The following NNT variants were observed in gnomAD, a reference collection of about 807,000 sequenced individuals.
NNT encodes the protein nicotinamide nucleotide transhydrogenase.
Under a neutral mutation model 104.8 loss-of-function variants are expected in NNT, and 50 were observed. That is an observed-to-expected ratio of 0.48 (90% CI 0.38 to 0.60). The LOEUF is 0.60. NNT is among the 20% of genes least tolerant of loss of function. The probability of loss-of-function intolerance (pLI) is 0.00; values close to 1 mark genes in which losing one functional copy is unlikely to be tolerated. For missense variants in NNT, 1,131 were observed against 1,330.7 expected, an observed-to-expected ratio of 0.85 and a Z score of 2.33; for synonymous variants, 461 against 490.4, an observed-to-expected ratio of 0.94 and a Z score of 0.79.
chr5:43,609,278 TGAA>T lies in NNT; in HGVS notation c.88_90del (p.Lys30del), dbSNP rs1322384994. 6.2e-7 allele frequency: 1 copy of T among 1,613,940 alleles called. No homozygotes were observed. The highest frequency in any genetic ancestry group is 8.5e-7 in the Non-Finnish European group (1 of 1,179,964). On this transcript the variant is annotated inframe_deletion, in exon 2 of 22. Transcript: ENST00000344920. ...TTGGGGTCCTGTAAGGGTCTACGTG[TGAA>T]GAAGGATTTTTTACGAACATTTTAT...
chr5:43,652,922 T>A (rs1012355218), intron 13 of NNT, 96 bp from the exon 14 acceptor site: 162 of 862,324 alleles, frequency 1.9e-4, no homozygotes, highest in Admixed American at 6.5e-4. Flanking sequence ...GTATTTAATA[T>A]GTTAATATTC....
rs1481320125 is a variant in NNT at position 43,700,225 on chromosome 5, C to T, written c.2983C>T (p.His995Tyr). The T allele has an allele frequency of 5.0e-6, 8 of 1,611,092 alleles. No homozygotes were observed. Among genetic ancestry groups the T allele is most frequent in the Non-Finnish European group, 6.8e-6 (8 of 1,178,046 alleles). The change falls in exon 20 of 22, where the codon CAT becomes TAT. Residue 995 changes from histidine to tyrosine, a missense_variant. Coordinates refer to ENST00000344920, the MANE Select transcript of NNT (RefSeq NM_182977.3). Reference protein sequence around the residue: ...DIVLEMDEINHDFPDTDLVLV... With the variant: ...DIVLEMDEINYDFPDTDLVLV... ...TGTGTTGGAAATGGATGAGATCAAC[C>T]ATGATTTTCCAGGTAAGTGGTGGGG...
chr5:43,610,543 A>T (rs139445799), intron 2 of NNT, among the ~76,000 whole-genome samples: 1 of 152,322 alleles, frequency 6.6e-6, no homozygotes, highest in East Asian at 1.9e-4. Context: ...TGTCACCTAG[A>T]ATAATGCCCT....
chr5:43,649,382 C>T (rs893386586), intron 11 of NNT, 74 bp downstream of exon 11: 13 of 1,518,364 alleles, frequency 8.6e-6, no homozygotes, highest in South Asian at 3.6e-5. Context: ...CTATCAATGC[C>T]GTTTATAAAG....
chr5:43,624,142 G>T, intron 6 of NNT, 22 bp downstream of exon 6: 1 of 1,607,948 alleles, frequency 6.2e-7, no homozygotes, highest in Non-Finnish European at 8.5e-7. Flanking sequence ...ACTAGTGACT[G>T]ATGTTAAGGT....
At chr5:43,689,244 C>T (rs1379377046) in intron 19 of NNT, among the ~76,000 whole-genome samples, 3 of 152,074 alleles carry the variant, frequency 2.0e-5, no homozygotes, top group Non-Finnish European at 4.4e-5. Flanking sequence ...TTGTTTTATT[C>T]TTGCTGATTT....
rs529406979 is a variant in NNT at position 43,628,951 on chromosome 5, G to A, written c.964+564G>A. ...GTGTACAATGTTTTTTTTTTTTTCC[G>A]AAGAATAAAACGCCATTTATTTAGA... On this transcript the variant is annotated intron_variant, in intron 7 of 21. Transcript: ENST00000344920. Among the ~76,000 whole-genome samples, 11 of 147,360 alleles carry A rather than the reference G, an allele frequency of 7.5e-5. No homozygotes were observed. The East Asian group carries it at 9.8e-4, about 13-fold the overall frequency.
intron 7 of NNT, among the ~76,000 whole-genome samples, 190 bp downstream of exon 7, chr5:43,628,577 T>A (rs1750496545): frequency 6.6e-6 from 1 of 152,140 alleles, no homozygotes; most frequent in African/African-American, 2.4e-5. Flanking sequence ...CCTTCAAGTA[T>A]TTTTTCTGTG....
intron 1 of NNT, among the ~76,000 whole-genome samples, chr5:43,605,118 T>A (rs1394308159): frequency 6.6e-6 from 1 of 152,224 alleles, no homozygotes; most frequent in East Asian, 1.9e-4. Flanking sequence ...TGTGGTATCC[T>A]CCCTCTTTAG....
intron 21 of NNT, among the ~76,000 whole-genome samples, chr5:43,702,965 G>T (rs1742937484): frequency 6.6e-6 from 1 of 152,146 alleles, no homozygotes; most frequent in Admixed American, 6.6e-5. Flanking sequence ...GATTATGTGG[G>T]TGGATTAACA....
rs149154984 is a variant in NNT at position 43,616,018 on chromosome 5, A to G, written c.552A>G (p.Thr184=). 8.0e-5 allele frequency: 129 copies of G among 1,614,122 alleles called. No individual in the cohort carries two copies. Among genetic ancestry groups the G allele is most frequent in the Non-Finnish European group, 1.0e-4 (118 of 1,180,022 alleles). Residue 184 remains threonine, a synonymous_variant, in exon 4 of 22, where the codon ACA becomes ACG. Coordinates refer to ENST00000344920, the MANE Select transcript of NNT (RefSeq NM_182977.3). ...VLAMDQVPRV[T]IAQGYDALSS... ...CAATGGACCAGGTTCCAAGAGTCAC[A>G]ATTGCTCAGGGATATGATGCGCTAA...
intron 19 of NNT, among the ~76,000 whole-genome samples, chr5:43,695,309 T>C (rs16873493): frequency 0.012 from 1,878 of 152,246 alleles, 47 homozygotes; most frequent in African/African-American, 0.043. Flanking sequence ...GATGCGCCTA[T>C]ATGAAGAGTG....
intron 10 of NNT, among the ~76,000 whole-genome samples, chr5:43,647,509 C>T (rs1207381314): frequency 6.6e-6 from 1 of 152,152 alleles, no homozygotes; most frequent in African/African-American, 2.4e-5. Flanking sequence ...ATCTTGAACT[C>T]CCTCTTTCAT....
chr5:43,659,056 T>G, intron 16 of NNT, 115 bp from the exon 17 acceptor site: 1 of 1,054,642 alleles, frequency 9.5e-7, no homozygotes, highest in Non-Finnish European at 1.3e-6. Flanking sequence ...GAAGTGGAAC[T>G]TATATGTAAA....
At chr5:43,673,650 G>A (rs1439103818) in intron 17 of NNT, among the ~76,000 whole-genome samples, 2 of 152,116 alleles carry the variant, frequency 1.3e-5, no homozygotes, top group East Asian at 1.9e-4. Flanking sequence ...TCCATTAAAC[G>A]TTGGTTTTAA....
intron 18 of NNT, among the ~76,000 whole-genome samples, chr5:43,676,453 G>A (rs148750753): frequency 6.6e-6 from 1 of 152,226 alleles, no homozygotes; most frequent in South Asian, 2.1e-4. Context: ...GAGTGTTAAA[G>A]TGTAAGCCTT....
chr5:43,684,395 A>T (rs1741876020), intron 19 of NNT, among the ~76,000 whole-genome samples: 1 of 152,136 alleles, frequency 6.6e-6, no homozygotes, highest in Admixed American at 6.5e-5. Context: ...ACTATGAATT[A>T]TATGAGTGAA....
At chr5:43,648,769 T>G (rs2111869412) in intron 10 of NNT, among the ~76,000 whole-genome samples, 1 of 152,358 alleles carries the variant, frequency 6.6e-6, no homozygotes, top group East Asian at 1.9e-4. Context: ...GAAAATGCTT[T>G]GGTAGATCCT....
chr5:43,668,739 C>G (rs538448208), intron 17 of NNT, among the ~76,000 whole-genome samples: 2 of 152,272 alleles, frequency 1.3e-5, no homozygotes, highest in Admixed American at 1.3e-4. Flanking sequence ...GTTCTTTTGG[C>G]TTAGGATTGA....
Sources: gnomAD v4.1 joint callset for allele counts (sites outside exome capture counted in the v4.1 genomes callset) on GRCh38, gnomAD v4.1.1 for gene constraint, MANE v1.5 for transcripts, NCBI Gene and HGNC (gene_info 2026-07-23, HGNC 2026-07-21) for gene names.